ESRRG: variants seen among roughly 807,000 people sequenced by gnomAD.
The protein encoded by ESRRG is estrogen-related receptor gamma.
In ESRRG, 13 loss-of-function variants were observed where a neutral mutation model predicts 44.0. That is an observed-to-expected ratio of 0.30 (90% CI 0.19 to 0.47). The LOEUF (loss-of-function observed/expected upper bound fraction) is 0.47, where lower values mean the gene tolerates loss of function less well. ESRRG is among the 20% of genes least tolerant of loss of function. ESRRG has a pLI of 1.00. For synonymous variants in ESRRG, 215 were observed against 214.6 expected (o/e 1.00, Z -0.02); for missense variants, 395 against 580.6 (o/e 0.68, Z 3.29).
chr1:216,779,479 A>T (rs4991967), intron 2 of ESRRG, among the ~76,000 whole-genome samples: 13 of 10,994 alleles, frequency 1.2e-3, no homozygotes, highest in Non-Finnish European at 1.4e-3. Flanking sequence ...TATATTTATA[A>T]ATATAAATAT....
Position 216,723,329 on chromosome 1 carries a change from C to T in ESRRG, c.-30G>A, listed in dbSNP as rs780862232. ...GACCGGCAACCATTATTTGTGCACC[C>T]CAGCTATAAATCAAAGTTTCCTTGA... On this transcript the variant is annotated 5_prime_UTR_variant, in exon 1 of 7. Coordinates refer to ENST00000408911, the MANE Select transcript of ESRRG (RefSeq NM_001438.4). The T allele has an allele frequency of 1.2e-6, 2 of 1,611,196 alleles. No homozygotes were observed. The highest frequency in any genetic ancestry group is 2.2e-5 in the South Asian group (2 of 91,020).
At chr1:216,775,551 CTTTTTTTTTTTTTTTTTTTTTTTTTTTT>C (rs71163765) in intron 2 of ESRRG, among the ~76,000 whole-genome samples, 1 of 74,786 alleles carries the variant, frequency 1.3e-5, no homozygotes, top group South Asian at 4.9e-4. Context: ...AATGTCACAT[CTTTTTTTTTTTTTTTTTTTTTTTTTTTT>C]TTTTTTTTTT....
intron 3 of ESRRG, among the ~76,000 whole-genome samples, chr1:216,619,024 G>A (rs749633641): frequency 3.3e-5 from 5 of 152,214 alleles, no homozygotes; most frequent in Middle Eastern, 3.2e-3. Flanking sequence ...TTAATTTGGC[G>A]AGGCATTCAG....
chr1:216,904,384 A>G (rs907997580), intron 2 of ESRRG, among the ~76,000 whole-genome samples: 5 of 152,308 alleles, frequency 3.3e-5, no homozygotes, highest in Non-Finnish European at 5.9e-5. Flanking sequence ...CCTCTGTTAA[A>G]CTTCAAAGTT....
chr1:216,761,984 G>C (rs2092803244), intron 2 of ESRRG, among the ~76,000 whole-genome samples: 1 of 152,066 alleles, frequency 6.6e-6, no homozygotes, highest in Non-Finnish European at 1.5e-5. Context: ...AATAACAATA[G>C]TCATACCAAC....
At chr1:216,839,558 A>G (rs1469736770) in intron 2 of ESRRG, among the ~76,000 whole-genome samples, 1 of 152,240 alleles carries the variant, frequency 6.6e-6, no homozygotes, top group Non-Finnish European at 1.5e-5. Flanking sequence ...ATAGCATTAT[A>G]AAAGGCATTT....
At chr1:216,718,565 A>T (rs2085427040) in intron 1 of ESRRG, among the ~76,000 whole-genome samples, 1 of 151,998 alleles carries the variant, frequency 6.6e-6, no homozygotes, top group South Asian at 2.1e-4. Context: ...CATAAGTATG[A>T]TTGGAGAAAG....
chr1:216,598,145 A>G (rs1165031954), intron 3 of ESRRG, among the ~76,000 whole-genome samples: 2 of 152,256 alleles, frequency 1.3e-5, no homozygotes, highest in Middle Eastern at 3.2e-3. Context: ...GTTGACTTCT[A>G]AAGACCAATA....
intron 1 of ESRRG, among the ~76,000 whole-genome samples, chr1:217,108,857 T>C (rs960188267): frequency 6.6e-6 from 1 of 152,166 alleles, no homozygotes; most frequent in African/African-American, 2.4e-5. Flanking sequence ...TTTACAGCAA[T>C]GCAAGAACGG....
chr1:216,571,458 C>T (rs564772287), intron 3 of ESRRG, among the ~76,000 whole-genome samples: 1 of 152,040 alleles, frequency 6.6e-6, no homozygotes, highest in African/African-American at 2.4e-5. Flanking sequence ...AACAAACAAA[C>T]AAACAAACAT....
intron 1 of ESRRG, among the ~76,000 whole-genome samples, chr1:216,974,888 T>C (rs537904885): frequency 6.6e-6 from 1 of 152,086 alleles, no homozygotes; most frequent in African/African-American, 2.4e-5. Flanking sequence ...TTTTTTTTTT[T>C]AATTTTCTTT....
intron 1 of ESRRG, among the ~76,000 whole-genome samples, chr1:217,002,596 C>T (rs995495279): frequency 6.6e-6 from 1 of 152,068 alleles, no homozygotes; most frequent in Non-Finnish European, 1.5e-5. Context: ...TAAATCACAG[C>T]TGGCCAGTAT....
chr1:216,519,821 AAAAAAAAG>A (rs1016487481), intron 5 of ESRRG, among the ~76,000 whole-genome samples: 3 of 151,154 alleles, frequency 2.0e-5, no homozygotes, highest in African/African-American at 7.3e-5. Context: ...AAGTAAAAAA[AAAAAAAAG>A]AAGAAGAAGG....
chr1:216,731,888 T>C (rs538525934), intron 2 of ESRRG, among the ~76,000 whole-genome samples: 1 of 152,338 alleles, frequency 6.6e-6, no homozygotes, highest in Non-Finnish European at 1.5e-5. Flanking sequence ...CAGTTACCAG[T>C]TGAATTCGGA....
chr1:216,743,954 A>T (rs1400940691), intron 2 of ESRRG, among the ~76,000 whole-genome samples: 1 of 152,180 alleles, frequency 6.6e-6, no homozygotes. Flanking sequence ...TAATCATTAT[A>T]TTGACTGCCA....
chr1:217,003,441 C>G (rs1313935691), intron 1 of ESRRG, among the ~76,000 whole-genome samples: 2 of 151,650 alleles, frequency 1.3e-5, no homozygotes, highest in Non-Finnish European at 2.9e-5. Context: ...TAAAATGAAT[C>G]TGGGCCACGT....
At chr1:217,011,196 A>G (rs540511782) in intron 1 of ESRRG, among the ~76,000 whole-genome samples, 28 of 152,184 alleles carry the variant, frequency 1.8e-4, no homozygotes, top group Admixed American at 1.5e-3. Context: ...AAAATGACAC[A>G]TTGCCTGACT....
At chr1:216,989,427 CA>C (rs67759463) in intron 1 of ESRRG, among the ~76,000 whole-genome samples, 29,107 of 79,118 alleles carry the variant, frequency 0.37, 2,438 homozygotes, top group East Asian at 0.46. Context: ...GACTCTGTCT[CA>C]AAAAAAAAAA....
intron 1 of ESRRG, among the ~76,000 whole-genome samples, chr1:216,949,394 AT>A (rs1463140950): frequency 1.3e-5 from 2 of 152,168 alleles, no homozygotes; most frequent in Admixed American, 6.5e-5. Context: ...AAAGATAAGC[AT>A]GTGTTTCTGG....
Sources: gnomAD v4.1 joint callset for allele counts (sites outside exome capture counted in the v4.1 genomes callset) on GRCh38, gnomAD v4.1.1 for gene constraint, MANE v1.5 for transcripts, NCBI Gene and HGNC (gene_info 2026-07-23, HGNC 2026-07-21) for gene names.